CHN2: variants seen among roughly 807,000 people sequenced by gnomAD.
CHN2 encodes chimerin 2, also known as beta-chimaerin.
Under a neutral mutation model 56.3 loss-of-function variants are expected in CHN2, and 35 were observed. The observed-to-expected ratio is 0.62, with a 90% CI of 0.47 to 0.82. CHN2 has a LOEUF of 0.82. Among genes scored for constraint, CHN2 ranks in the 40% least tolerant of loss-of-function variants. The pLI is 0.00. For missense variants in CHN2, 491 were observed against 580.5 expected (o/e 0.85, Z 1.58); for synonymous variants, 210 against 212.8 (o/e 0.99, Z 0.12).
At chr7:29,297,237 C>T (rs543859683) in intron 1 of CHN2, among the ~76,000 whole-genome samples, 52 of 152,328 alleles carry the variant, frequency 3.4e-4, no homozygotes, top group Admixed American at 7.8e-4. Context: ...CCAGGCTCCT[C>T]GCCCCTGCAA....
intron 6 of CHN2, 29 bp from the exon 7 acceptor site, chr7:29,480,250 C>T: frequency 1.9e-6 from 3 of 1,614,056 alleles, no homozygotes; most frequent in Non-Finnish European, 1.7e-6. Context: ...TTTCTTTGGC[C>T]CCCTCTCAAA....
At chr7:29,240,575 T>C (rs960953104) in intron 1 of CHN2, among the ~76,000 whole-genome samples, 3 of 152,134 alleles carry the variant, frequency 2.0e-5, no homozygotes, top group African/African-American at 7.2e-5. Flanking sequence ...GTGCTGTGTG[T>C]ACAGAAAAAA....
At chr7:29,495,100 G>A (rs1309013940) in intron 7 of CHN2, among the ~76,000 whole-genome samples, 1 of 151,896 alleles carries the variant, frequency 6.6e-6, no homozygotes. Flanking sequence ...GTATGGCCCC[G>A]ATAGACTGCC....
At chr7:29,283,387 C>G (rs368197505) in intron 1 of CHN2, among the ~76,000 whole-genome samples, 1 of 152,154 alleles carries the variant, frequency 6.6e-6, no homozygotes, top group East Asian at 1.9e-4. Context: ...CAAGTTTCCC[C>G]TCGGTTGGTA....
chr7:29,512,836 T>C lies in CHN2; in HGVS notation c.*101T>C, dbSNP rs1583468051. 2 of 1,311,790 alleles carry C rather than the reference T, an allele frequency of 1.5e-6. No individual in the cohort carries two copies. The highest frequency in any genetic ancestry group is 2.1e-6 in the Non-Finnish European group (2 of 960,068). The allele number at this position is 1,311,790 out of a possible 1,614,324, so 81.3% of individuals were successfully genotyped here. On this transcript the variant is annotated 3_prime_UTR_variant, in exon 13 of 13. Transcript: ENST00000222792. ...CCACTTGATTTGTTTTCCAAGCAAG[T>C]GCTAGAATTTCCTGGACTGCAGAGG...
intron 6 of CHN2, 187 bp from the exon 7 acceptor site, chr7:29,480,092 G>A: frequency 7.7e-6 from 12 of 1,551,448 alleles, no homozygotes; most frequent in Non-Finnish European, 1.0e-5. Flanking sequence ...AAACTGGAAA[G>A]AGCTGGGATC....
chr7:29,374,868 T>C lies in CHN2; in HGVS notation c.144+6881T>C, dbSNP rs377018130. Among the ~76,000 whole-genome samples the C allele has an allele frequency of 5.8e-3, 643 of 110,758 alleles. 4 individuals are homozygous for C. The highest frequency in any genetic ancestry group is 0.016 in the African/African-American group (554 of 33,594). The allele number at this position is 110,758 out of a possible 152,430, so 72.7% of individuals were successfully genotyped here. Reference sequence around the variant, plus strand: ...TCCTTCCTGCCTCCCTCCCTCCCTTTCTCCCTTTCTCCCTTTCTCTCTTTC... The same window carrying C: ...TCCTTCCTGCCTCCCTCCCTCCCTTCCTCCCTTTCTCCCTTTCTCTCTTTC... On this transcript the variant is annotated intron_variant, in intron 3 of 12. Transcript: ENST00000222792.
intron 2 of CHN2, among the ~76,000 whole-genome samples, chr7:29,151,484 G>A (rs940700967): frequency 6.6e-6 from 1 of 152,128 alleles, no homozygotes; most frequent in African/African-American, 2.4e-5. Context: ...GATTAATATA[G>A]ACATGGCCAC....
intron 2 of CHN2, among the ~76,000 whole-genome samples, chr7:29,164,640 G>A (rs972635017): frequency 2.0e-5 from 3 of 151,740 alleles, no homozygotes; most frequent in Admixed American, 6.6e-5. Flanking sequence ...AATTAGCCAC[G>A]CGTGGTGGCA....
At chr7:29,284,429 C>T (rs1423563894) in intron 1 of CHN2, among the ~76,000 whole-genome samples, 2 of 152,096 alleles carry the variant, frequency 1.3e-5, no homozygotes, top group African/African-American at 2.4e-5. Context: ...CCAGGTTTTC[C>T]CTAAAGAAAG....
chr7:29,219,861 G>C (rs192995541), intron 1 of CHN2, among the ~76,000 whole-genome samples: 1 of 152,090 alleles, frequency 6.6e-6, no homozygotes, highest in African/African-American at 2.4e-5. Flanking sequence ...GGATCACCAC[G>C]TCAGGAGATG....
intron 1 of CHN2, chr7:29,213,188 CACGA>C (rs771045801): frequency 6.9e-6 from 9 of 1,302,762 alleles, no homozygotes; most frequent in Non-Finnish European, 6.6e-6. Flanking sequence ...TAAACTACTC[CACGA>C]ACACGCAACC....
chr7:29,496,970 A>C (rs1789366799), intron 8 of CHN2, among the ~76,000 whole-genome samples: 7 of 152,210 alleles, frequency 4.6e-5, no homozygotes, highest in Admixed American at 4.6e-4. Flanking sequence ...GAATACAATA[A>C]GGTAATGACA....
chr7:29,396,459 C>CAAAA (rs35163855), intron 4 of CHN2, among the ~76,000 whole-genome samples: 7 of 56,508 alleles, frequency 1.2e-4, no homozygotes, highest in South Asian at 8.0e-4. Context: ...AGACTCTCTC[C>CAAAA]AAAAAAAAAA....
intron 6 of CHN2, among the ~76,000 whole-genome samples, chr7:29,457,724 G>A (rs1784870793): frequency 6.6e-6 from 1 of 152,182 alleles, no homozygotes; most frequent in African/African-American, 2.4e-5. Flanking sequence ...GAGAAACCGA[G>A]TGTTGAAAGG....
chr7:29,160,758 A>G (rs2128709374), intron 2 of CHN2, among the ~76,000 whole-genome samples: 1 of 152,310 alleles, frequency 6.6e-6, no homozygotes, highest in African/African-American at 2.4e-5. Flanking sequence ...GGGCTAAAAG[A>G]GCCTGGGCTC....
intron 1 of CHN2, among the ~76,000 whole-genome samples, chr7:29,227,442 C>T (rs1786294550): frequency 6.6e-6 from 1 of 152,108 alleles, no homozygotes; most frequent in Admixed American, 6.6e-5. Flanking sequence ...GGTAAAAGCC[C>T]CTAATTTTCT....
rs541792526 is a variant in CHN2 at position 29,442,934 on chromosome 7, C to CTTTTTTTTTTTT, written c.577-37339_577-37328dup. On this transcript the variant is annotated intron_variant, in intron 6 of 12. Coordinates refer to ENST00000222792, the MANE Select transcript of CHN2 (RefSeq NM_004067.4). The stretch of plus-strand genomic sequence containing the variant: ...CATCGCTTTCAATTTCATTGAATTT[C>CTTTTTTTTTTTT]TTTTTTTTTTTTTTTTTGAGACGGA... 3.8e-3 allele frequency among the ~76,000 whole-genome samples: 394 copies of CTTTTTTTTTTTT among 103,028 alleles called. 55 individuals are homozygous for CTTTTTTTTTTTT. Among genetic ancestry groups the CTTTTTTTTTTTT allele is most frequent in the African/African-American group, 0.014 (304 of 21,010 alleles). 67.6% of individuals were successfully genotyped at this position (103,028 alleles called of 152,430 possible).
At chr7:29,163,116 T>C (rs920041596) in intron 2 of CHN2, among the ~76,000 whole-genome samples, 8 of 152,130 alleles carry the variant, frequency 5.3e-5, no homozygotes, top group African/African-American at 1.9e-4. Flanking sequence ...TCCTTATGAG[T>C]CTGTAATTAT....
Sources: allele counts gnomAD v4.1 joint callset (sites outside exome capture counted in the v4.1 genomes callset), GRCh38; gene constraint gnomAD v4.1.1; transcripts MANE v1.5; gene names NCBI Gene and HGNC (gene_info 2026-07-23, HGNC 2026-07-21).